The following ANO2 variants were observed in gnomAD, a reference collection of about 807,000 sequenced individuals.
ANO2 encodes the protein anoctamin-2.
A neutral mutation model predicts 124.2 loss-of-function variants in ANO2; 101 were observed. That is an observed-to-expected ratio of 0.81 (90% CI 0.69 to 0.96). The LOEUF is 0.96. Ranked by LOEUF, ANO2 falls within the 40% of genes least tolerant of loss-of-function variation. The pLI, the probability that ANO2 is intolerant of heterozygous loss-of-function variation, is 0.00. For synonymous variants in ANO2, 486 were observed against 482.5 expected (o/e 1.01, Z -0.09); for missense variants, 1,293 against 1,274.5 (o/e 1.01, Z -0.22).
At chr12:5,668,848 A>G (rs1266678453) in intron 14 of ANO2, among the ~76,000 whole-genome samples, 1 of 152,102 alleles carries the variant, frequency 6.6e-6, no homozygotes, top group Non-Finnish European at 1.5e-5. Flanking sequence ...CGAAGATCAG[A>G]TGGTTGTAGA....
At chr12:5,880,603 G>A (rs191785999) in intron 3 of ANO2, among the ~76,000 whole-genome samples, 1 of 152,152 alleles carries the variant, frequency 6.6e-6, no homozygotes, top group Non-Finnish European at 1.5e-5. Flanking sequence ...CAAGCAGGAG[G>A]AAGGAGTCAA....
rs766437380 is a variant in ANO2, at chr12:5,635,250, C to T, written c.1718G>A (p.Arg573Gln). The T allele has an allele frequency of 1.1e-5, 17 of 1,612,932 alleles. No individual in the cohort carries two copies. The highest frequency in any genetic ancestry group is 1.4e-5 in the Non-Finnish European group (16 of 1,179,692). Residue 573 changes from arginine to glutamine, a missense_variant, in exon 16 of 25, where the codon CGG (arginine) becomes CAG (glutamine). By Grantham distance (43) the Arg-to-Gln change is conservative. Transcript: ENST00000682330. This position sits in a 1 kb window ranked among gnomAD's most constrained non-coding sequence, Gnocchi z 5.2. ...GACTGCTGTTGCTGTCACTGTCACC[C>T]GGACATTGGAGCGTGTAGCCTTATT... ...SLNKATRSNV[R>Q]VTVTATAVII... is the part of the protein sequence containing the mutation.
rs374634976 is a variant in ANO2, at chr12:5,635,242, C to T, written c.1726G>A (p.Val576Met). The T allele has an allele frequency of 9.9e-5, 159 of 1,613,068 alleles. No homozygotes were observed. The highest frequency in any genetic ancestry group is 1.3e-4 in the Non-Finnish European group (154 of 1,179,708). Residue 576 changes from valine to methionine, a missense_variant, in exon 16 of 25, where the codon GTG (valine) becomes ATG (methionine). Transcript: ENST00000682330. This position sits in a 1 kb window ranked among gnomAD's most constrained non-coding sequence, Gnocchi z 5.2. ...KATRSNVRVT[V>M]TATAVIINLV... ...TTGATGATGACTGCTGTTGCTGTCA[C>T]TGTCACCCGGACATTGGAGCGTGTA...
intron 20 of ANO2, among the ~76,000 whole-genome samples, chr12:5,579,410 A>G (rs141530113): frequency 7.9e-5 from 12 of 152,282 alleles, no homozygotes; most frequent in African/African-American, 2.9e-4. Flanking sequence ...GTCTGGAAAG[A>G]TGGGCATGCA....
At chr12:5,692,499 C>T (rs1948986274) in intron 14 of ANO2, among the ~76,000 whole-genome samples, 2 of 152,100 alleles carry the variant, frequency 1.3e-5, no homozygotes, top group African/African-American at 4.8e-5. Flanking sequence ...GCCACAAATT[C>T]TTGGCTTCAC....
At chr12:5,922,589 T>TAGC in intron 2 of ANO2, 31 bp downstream of exon 2, 2 of 1,449,812 alleles carry the variant, frequency 1.4e-6, no homozygotes, top group African/African-American at 2.9e-5. Flanking sequence ...GGCTGGCCTA[T>TAGC]CCCCCCACCC....
chr12:5,898,871 T>C (rs1489451666), intron 3 of ANO2, among the ~76,000 whole-genome samples: 2 of 152,176 alleles, frequency 1.3e-5, no homozygotes, highest in Non-Finnish European at 2.9e-5. Context: ...AAAATTTGTG[T>C]ACTATTCTGA....
Position 5,775,856 on chromosome 12 carries a change from C to A in ANO2, c.1055+23651G>T, listed in dbSNP as rs1167188301. 2.0e-5 allele frequency among the ~76,000 whole-genome samples: 3 copies of A among 152,216 alleles called. No homozygotes were observed. The East Asian group carries it at 5.8e-4, about 29-fold the overall frequency. On this transcript the variant is annotated intron_variant, in intron 10 of 24. Coordinates refer to ENST00000682330, the MANE Select transcript of ANO2 (RefSeq NM_001364791.2). ...TCCTACCTGAAGTCTTGCCCAGAAC[C>A]AACTACAGTTTTTGCTGTGCTGACA...
intron 4 of ANO2, among the ~76,000 whole-genome samples, chr12:5,850,026 A>G (rs1954824796): frequency 1.3e-5 from 2 of 152,098 alleles, no homozygotes; most frequent in Admixed American, 1.3e-4. Context: ...TTTTACAAAC[A>G]TAGCATCCTA....
intron 13 of ANO2, chr12:5,739,023 T>C (rs1267851246): frequency 5.5e-6 from 3 of 543,010 alleles, no homozygotes; most frequent in Non-Finnish European, 1.1e-5. Context: ...GTCTTGCCTC[T>C]TGTTCTTGCA....
chr12:5,840,583 G>T (rs1369039049), intron 4 of ANO2, among the ~76,000 whole-genome samples: 2 of 152,104 alleles, frequency 1.3e-5, no homozygotes, highest in East Asian at 3.9e-4. Flanking sequence ...TGACCCCGAA[G>T]ATCAAGGAAA....
chr12:5,662,432 T>C (rs1947493205), intron 14 of ANO2, among the ~76,000 whole-genome samples: 1 of 152,242 alleles, frequency 6.6e-6, no homozygotes, highest in Non-Finnish European at 1.5e-5. Flanking sequence ...ATTTAAAGAT[T>C]GTGCCCTTTG....
intron 7 of ANO2, among the ~76,000 whole-genome samples, chr12:5,826,437 CATATATATATATATATAT>C (rs10526567): frequency 0.064 from 9,165 of 144,186 alleles, 628 homozygotes; most frequent in African/African-American, 0.17. Context: ...TTAATAAACT[CATATATATATATATATAT>C]ATATATATAT....
chr12:5,923,190 ACACACGCACGCACACACACC>A (rs2136306838), intron 1 of ANO2, among the ~76,000 whole-genome samples: 5 of 127,386 alleles, frequency 3.9e-5, no homozygotes, highest in Admixed American at 8.1e-5. Context: ...ACACATACAC[ACACACGCACGCACACACACC>A]CACATACACA....
At chr12:5,710,400 TC>T (rs1217031028) in intron 14 of ANO2, among the ~76,000 whole-genome samples, 1 of 152,182 alleles carries the variant, frequency 6.6e-6, no homozygotes, top group Non-Finnish European at 1.5e-5. Flanking sequence ...TTAGTTTGCA[TC>T]CCCCACCCCC....
At chr12:5,830,360 A>C in intron 6 of ANO2, 75 bp downstream of exon 6, 34 of 1,457,942 alleles carry the variant, frequency 2.3e-5, no homozygotes, top group African/African-American at 2.8e-5. Context: ...AGGGAGGGTA[A>C]GAGAATGCCC....
intron 3 of ANO2, among the ~76,000 whole-genome samples, chr12:5,910,852 G>A (rs1381228469): frequency 6.6e-6 from 1 of 152,082 alleles, no homozygotes; most frequent in Non-Finnish European, 1.5e-5. Flanking sequence ...AGACCTCAAA[G>A]CCTTAAAGAC....
chr12:5,684,444 C>T (rs3782626), intron 14 of ANO2, among the ~76,000 whole-genome samples: 56,862 of 152,100 alleles, frequency 0.37, 12,395 homozygotes, highest in East Asian at 0.59. Flanking sequence ...GCATGGACCT[C>T]GGACACTCTG....
rs538503111 is a variant in ANO2, at chr12:5,563,616, G to C, written c.2728-48C>G. 1.7e-5 allele frequency: 28 copies of C among 1,602,658 alleles called. No individual in the cohort carries two copies. The East Asian group carries it at 4.5e-4, about 26-fold the overall frequency. On this transcript the variant is annotated intron_variant, in intron 24 of 24. Coordinates refer to ENST00000682330, the MANE Select transcript of ANO2 (RefSeq NM_001364791.2). ...GGGCTGAGTTGGAGAGGCCCGGCCTGGGGAGGTGGCGGCCCTGGAGCAGAA... is the reference window on the plus strand; with the variant it reads ...GGGCTGAGTTGGAGAGGCCCGGCCTCGGGAGGTGGCGGCCCTGGAGCAGAA...
Sources: gnomAD v4.1 joint callset for allele counts (sites outside exome capture counted in the v4.1 genomes callset) on GRCh38, gnomAD v4.1.1 for gene constraint, Gnocchi (gnomAD v3.1) non-coding constraint, MANE v1.5 for transcripts, NCBI Gene and HGNC (gene_info 2026-07-23, HGNC 2026-07-21) for gene names.